BECN1: variants seen among roughly 807,000 people sequenced by gnomAD.
BECN1 encodes beclin 1.
In BECN1, 15 loss-of-function variants were observed where a neutral mutation model predicts 60.1. The observed-to-expected ratio is 0.25, with a 90% confidence interval of 0.17 to 0.38. The LOEUF is 0.38. Ranked by LOEUF, BECN1 falls within the 10% of genes least tolerant of loss-of-function variation. The probability of loss-of-function intolerance (pLI) is 1.00; values close to 1 mark genes in which losing one functional copy is unlikely to be tolerated. For missense variants in BECN1, 424 were observed against 548.2 expected (o/e 0.77, Z 2.26); for synonymous variants, 179 against 201.8 (o/e 0.89, Z 0.96).
At chr17:42,820,480 C>A in intron 3 of BECN1, 1 of 332,258 alleles carries the variant, frequency 3.0e-6, no homozygotes, top group South Asian at 5.1e-5. Context: ...CAGGTCATCC[C>A]ATCTCCAACC....
chr17:42,815,682 G>A (rs752811248), intron 8 of BECN1: 2 of 570,158 alleles, frequency 3.5e-6, no homozygotes, highest in Non-Finnish European at 6.1e-6. Flanking sequence ...AGGTTTTTAA[G>A]TGGCTGAAGG....
intron 4 of BECN1, 182 bp downstream of exon 4, chr17:42,819,366 A>G: frequency 1.6e-6 from 1 of 614,954 alleles, no homozygotes; most frequent in Non-Finnish European, 2.8e-6. Context: ...GTGAACAGCT[A>G]CAGGAAAAAA....
intron 10 of BECN1, chr17:42,812,384 CAA>C (rs149759858): frequency 4.8e-5 from 3 of 62,344 alleles, no homozygotes; most frequent in Admixed American, 1.9e-4. Context: ...AACTCCATTT[CAA>C]AAAAAAAAAA....
intron 8 of BECN1, chr17:42,814,893 C>A: frequency 1.7e-6 from 1 of 575,204 alleles, no homozygotes; most frequent in Non-Finnish European, 3.0e-6. Context: ...TGAATGCTCC[C>A]TCAGCTCCTT....
At chr17:42,821,626 T>A (rs1282253479) in intron 2 of BECN1, among the ~76,000 whole-genome samples, 1 of 152,230 alleles carries the variant, frequency 6.6e-6, no homozygotes, top group Non-Finnish European at 1.5e-5. Context: ...TCTAGGAAGA[T>A]GAAACATTGC....
chr17:42,816,977 A>G (rs1173758168), intron 7 of BECN1, among the ~76,000 whole-genome samples: 1 of 151,794 alleles, frequency 6.6e-6, no homozygotes, highest in Non-Finnish European at 1.5e-5. Context: ...CTCAAAAAAA[A>G]ACCAAAATCA....
intron 2 of BECN1, 40 bp downstream of exon 2, chr17:42,823,708 C>T: frequency 1.9e-6 from 3 of 1,603,726 alleles, no homozygotes; most frequent in South Asian, 1.1e-5. Context: ...TGCCCACCTT[C>T]CACATTCTTG....
At chr17:42,823,505 C>T (rs567283536) in intron 2 of BECN1, among the ~76,000 whole-genome samples, 1 of 152,354 alleles carries the variant, frequency 6.6e-6, no homozygotes, top group South Asian at 2.1e-4. Context: ...CTGCCCGCCT[C>T]GGTCTCCCAA....
rs779834216 is a variant in BECN1 at position 42,810,928 on chromosome 17, C to T, written c.1185G>A (p.Arg395=). The T allele has an allele frequency of 2.6e-5, 41 of 1,605,632 alleles. No individual in the cohort carries two copies. The Admixed American group carries it at 7.0e-4, about 27-fold the overall frequency. Residue 395 remains arginine, a splice_region_variant and synonymous_variant, in exon 12 of 12, where the codon AGG becomes AGA. Transcript: ENST00000590099. ...KGETRFCLPY[R]MDVEKGKIED... is the part of the protein sequence containing the mutation. ...CAATCTTGCCTTTCTCCACATCCAT[C>T]CTGCAGATGGACAGAGCAAAACTCA...
At chr17:42,814,359 A>G in intron 9 of BECN1, 165 bp downstream of exon 9, 1 of 857,066 alleles carries the variant, frequency 1.2e-6, no homozygotes, top group African/African-American at 1.7e-5. Context: ...CAGTGGAGAG[A>G]GCCCTGTGAT....
chr17:42,818,776 G>C lies in BECN1; in HGVS notation c.351+11C>G, dbSNP rs755440689. On this transcript the variant is annotated intron_variant, in intron 5 of 11. Coordinates refer to ENST00000590099, the MANE Select transcript of BECN1 (RefSeq NM_001313998.2). The stretch of plus-strand genomic sequence containing the variant: ...GGCCTACTGCTTGCCACCGGAATGG[G>C]GCCGACTTGCCTTCAGTCTTCGGCT... 6.2e-6 allele frequency: 10 copies of C among 1,613,904 alleles called. No individual in the cohort carries two copies. The East Asian group carries it at 2.2e-4, about 36-fold the overall frequency.
At chr17:42,814,877 T>C (rs2055112835) in intron 8 of BECN1, 1 of 618,826 alleles carries the variant, frequency 1.6e-6, no homozygotes. Flanking sequence ...ACCTGGGTGG[T>C]ATCCTTGAAT....
In BECN1 at chr17:42,819,532, G is replaced by A; in HGVS notation, c.260+16C>T. 6.2e-7 allele frequency: 1 copy of A among 1,612,888 alleles called. No individual in the cohort carries two copies. The highest frequency in any genetic ancestry group is 8.5e-7 in the Non-Finnish European group (1 of 1,179,614). ...TAGCCTTTGGCAAGGAATGGGGGCT[G>A]AGAAGTAGTAGGCACCTGGCTGGGG... On this transcript the variant is annotated intron_variant, in intron 4 of 11. Coordinates refer to ENST00000590099, the MANE Select transcript of BECN1 (RefSeq NM_001313998.2).
chr17:42,822,788 G>T (rs936250605), intron 2 of BECN1, among the ~76,000 whole-genome samples: 4 of 151,334 alleles, frequency 2.6e-5, no homozygotes, highest in Admixed American at 6.6e-5. Context: ...CTGCAGCTTT[G>T]ACCTCCTGGG....
chr17:42,814,741 C>T, intron 8 of BECN1, 68 bp from the exon 9 acceptor site: 1 of 1,584,726 alleles, frequency 6.3e-7, no homozygotes, highest in Non-Finnish European at 8.6e-7. Flanking sequence ...ATTTCCCACT[C>T]TCACCCCAAA....
intron 11 of BECN1, chr17:42,811,175 G>A (rs1454561509): frequency 2.6e-6 from 1 of 389,120 alleles, no homozygotes; most frequent in Non-Finnish European, 4.5e-6. Flanking sequence ...TGGAGTAGGG[G>A]TGAGTGAGGG....
chr17:42,822,798 G>A (rs2055295664), intron 2 of BECN1, among the ~76,000 whole-genome samples: 2 of 151,872 alleles, frequency 1.3e-5, no homozygotes, highest in Non-Finnish European at 2.9e-5. Context: ...GACCTCCTGG[G>A]CTCAAGTGAT....
intron 2 of BECN1, among the ~76,000 whole-genome samples, chr17:42,823,316 G>A (rs1024293114): frequency 3.9e-5 from 6 of 152,138 alleles, no homozygotes; most frequent in Admixed American, 3.9e-4. Flanking sequence ...GTGCAGTGGT[G>A]CGATCTCAGC....
At chr17:42,816,106 TTC>T in intron 7 of BECN1, 52 bp from the exon 8 acceptor site, 4 of 1,510,700 alleles carry the variant, frequency 2.6e-6, no homozygotes, top group Non-Finnish European at 3.5e-6. Flanking sequence ...GGGCTAAAGT[TTC>T]TCTCTCACCA....
Sources: gnomAD v4.1 joint callset for allele counts (sites outside exome capture counted in the v4.1 genomes callset) on GRCh38, gnomAD v4.1.1 for gene constraint, MANE v1.5 for transcripts, NCBI Gene and HGNC (gene_info 2026-07-23, HGNC 2026-07-21) for gene names.